Variants in DCC observed in about 807,000 individuals in gnomAD.
DCC encodes the protein DCC netrin 1 receptor.
DCC carries 58 observed loss-of-function variants against 172.5 expected under a neutral mutation model. The observed-to-expected ratio is 0.34, with a 90% confidence interval of 0.27 to 0.42. The LOEUF (loss-of-function observed/expected upper bound fraction) is 0.42. Ranked by LOEUF, DCC falls within the 10% of genes least tolerant of loss-of-function variation. DCC has a pLI of 1.00. For missense variants in DCC, 1,740 were observed against 1,791.0 expected (o/e 0.97, Z 0.51); for synonymous variants, 709 against 644.5 (o/e 1.10, Z -1.52).
intron 5 of DCC, among the ~76,000 whole-genome samples, chr18:53,026,913 G>A (rs1444472580): frequency 6.6e-6 from 1 of 152,032 alleles, no homozygotes; most frequent in Non-Finnish European, 1.5e-5. Flanking sequence ...TGAAGATCTA[G>A]AAGGGTATTT....
intron 7 of DCC, among the ~76,000 whole-genome samples, chr18:53,102,727 A>G (rs762681156): frequency 9.9e-5 from 15 of 152,058 alleles, no homozygotes; most frequent in African/African-American, 1.7e-4. Context: ...ACTTTCCTGT[A>G]CACTTTAACC....
At chr18:52,717,042 T>G (rs995280576) in intron 1 of DCC, among the ~76,000 whole-genome samples, 2 of 152,112 alleles carry the variant, frequency 1.3e-5, no homozygotes. Flanking sequence ...TCCAGTAAAG[T>G]GTAGCAAGTA....
At chr18:53,225,455 GCAAGAACA>G (rs1237140981) in intron 12 of DCC, among the ~76,000 whole-genome samples, 1 of 152,174 alleles carries the variant, frequency 6.6e-6, no homozygotes, top group African/African-American at 2.4e-5. Context: ...CTTTGAGGAG[GCAAGAACA>G]CACAGGATCC....
At chr18:52,771,561 G>T (rs748850237) in intron 2 of DCC, among the ~76,000 whole-genome samples, 8 of 152,050 alleles carry the variant, frequency 5.3e-5, no homozygotes, top group Non-Finnish European at 1.2e-4. Flanking sequence ...GAGACATTTT[G>T]GTGCATTACA....
At chr18:53,470,525 A>G (rs369792718) in intron 25 of DCC, among the ~76,000 whole-genome samples, 28 of 151,952 alleles carry the variant, frequency 1.8e-4, no homozygotes, top group African/African-American at 6.8e-4. Flanking sequence ...GCAGTGCCAC[A>G]CTCTTTGTGG....
intron 1 of DCC, among the ~76,000 whole-genome samples, chr18:52,719,610 C>CAA (rs34309683): frequency 0.042 from 6,146 of 145,954 alleles, 167 homozygotes; most frequent in East Asian, 0.087. Context: ...ATCTAAGGAA[C>CAA]AAAAAAAAAA....
chr18:52,881,141 T>G (rs1170779307), intron 2 of DCC, among the ~76,000 whole-genome samples: 1 of 152,160 alleles, frequency 6.6e-6, no homozygotes, highest in African/African-American at 2.4e-5. Flanking sequence ...TATGCCTCTT[T>G]GCCATTTTAT....
At chr18:52,684,259 G>A (rs1965381459) in intron 1 of DCC, among the ~76,000 whole-genome samples, 1 of 152,080 alleles carries the variant, frequency 6.6e-6, no homozygotes, top group Non-Finnish European at 1.5e-5. Context: ...CACATGCATT[G>A]AAGCAGTGAA....
At chr18:52,518,515 C>T (rs1385810133) in intron 1 of DCC, among the ~76,000 whole-genome samples, 1 of 152,192 alleles carries the variant, frequency 6.6e-6, no homozygotes, top group Non-Finnish European at 1.5e-5. Context: ...CTCCAATTTA[C>T]AGGAAGGTAG....
At position 52,521,151 on chromosome 18, in the gene DCC, G is replaced by GA. The variant is rs79470913; in HGVS notation, c.91+180281dup. ...ATTCAGACTATGATGCTCAGGATTT[G>GA]AAAAAAAATGCATACTTGAATTGTG... On this transcript the variant is annotated intron_variant, in intron 1 of 28. Transcript: ENST00000442544. Among the ~76,000 whole-genome samples, 64 of 150,282 alleles carry GA rather than the reference G, an allele frequency of 4.3e-4. 1 individual carries two copies. The highest frequency in any genetic ancestry group is 3.1e-3 in the East Asian group (16 of 5,134).
chr18:53,268,551 G>A (rs562303074), intron 12 of DCC, among the ~76,000 whole-genome samples: 79 of 151,982 alleles, frequency 5.2e-4, no homozygotes, highest in Non-Finnish European at 1.1e-3. Flanking sequence ...GGACTTCTCA[G>A]CCTTCAATTT....
intron 26 of DCC, among the ~76,000 whole-genome samples, chr18:53,487,888 T>C (rs972233828): frequency 7.2e-5 from 11 of 151,898 alleles, no homozygotes; most frequent in Non-Finnish European, 1.3e-4. Context: ...GGGAATTAAA[T>C]AGGAAAGATG....
intron 12 of DCC, among the ~76,000 whole-genome samples, chr18:53,269,543 T>A (rs2056724106): frequency 6.6e-6 from 1 of 152,180 alleles, no homozygotes; most frequent in Non-Finnish European, 1.5e-5. Context: ...AGGCATAGAA[T>A]GTTAAGAATA....
At chr18:52,592,409 C>T (rs2033819960) in intron 1 of DCC, among the ~76,000 whole-genome samples, 2 of 152,170 alleles carry the variant, frequency 1.3e-5, no homozygotes, top group African/African-American at 2.4e-5. Flanking sequence ...ATATGTATCA[C>T]CCAGGTGAGC....
chr18:52,830,405 G>A (rs1057370821), intron 2 of DCC, among the ~76,000 whole-genome samples: 1 of 152,106 alleles, frequency 6.6e-6, no homozygotes, highest in African/African-American at 2.4e-5. Flanking sequence ...GGAAAGTCTT[G>A]TCAACTATTT....
intron 2 of DCC, among the ~76,000 whole-genome samples, chr18:52,827,025 G>T (rs1294520789): frequency 6.6e-6 from 1 of 152,146 alleles, no homozygotes; most frequent in African/African-American, 2.4e-5. Flanking sequence ...ATGCACATAG[G>T]TTATATACAA....
intron 1 of DCC, among the ~76,000 whole-genome samples, chr18:52,715,752 G>A (rs769079477): frequency 1.3e-5 from 2 of 152,214 alleles, no homozygotes; most frequent in South Asian, 2.1e-4. Context: ...TTCATACAGA[G>A]CCTTAATGTG....
chr18:53,305,893 T>C (rs959456614), intron 13 of DCC, among the ~76,000 whole-genome samples, 174 bp downstream of exon 13: 2 of 152,246 alleles, frequency 1.3e-5, no homozygotes, highest in African/African-American at 2.4e-5. Flanking sequence ...TTCTCTATAA[T>C]GTTTTCACTA....
At chr18:52,983,903 C>G (rs1283921354) in intron 5 of DCC, among the ~76,000 whole-genome samples, 1 of 152,086 alleles carries the variant, frequency 6.6e-6, no homozygotes, top group East Asian at 1.9e-4. Context: ...TTTTCATTGC[C>G]TCCTGCACTT....
Sources: allele counts gnomAD v4.1 joint callset (sites outside exome capture counted in the v4.1 genomes callset), GRCh38; gene constraint gnomAD v4.1.1; transcripts MANE v1.5; gene names NCBI Gene and HGNC (gene_info 2026-07-23, HGNC 2026-07-21).